KRAS: variants seen among roughly 807,000 people sequenced by gnomAD.
KRAS encodes KRas proto-oncogene, GTPase.
A neutral mutation model predicts 21.0 loss-of-function variants in KRAS; 1 was observed. The ratio of observed to expected loss-of-function variants is 0.05; its 90% CI spans 0.02 to 0.23. The LOEUF (loss-of-function observed/expected upper bound fraction) is 0.23, where lower values mean the gene tolerates loss of function less well. Among genes scored for constraint, KRAS ranks in the 10% least tolerant of loss-of-function variants. KRAS has a pLI of 1.00. For synonymous variants in KRAS, 67 were observed against 72.5 expected (o/e 0.92, Z 0.39); for missense variants, 107 against 221.8 (o/e 0.48, Z 3.29).
intron 2 of KRAS, among the ~76,000 whole-genome samples, chr12:25,241,093 G>A (rs1951604134): frequency 6.6e-6 from 1 of 152,164 alleles, no homozygotes; most frequent in African/African-American, 2.4e-5. Flanking sequence ...AGTAAGCTCA[G>A]TAAGTGTTAA....
At chr12:25,238,644 G>A (rs960547461) in intron 2 of KRAS, among the ~76,000 whole-genome samples, 1 of 152,116 alleles carries the variant, frequency 6.6e-6, no homozygotes, top group Non-Finnish European at 1.5e-5. Flanking sequence ...GAGTAATTTT[G>A]TTTCTAGATG....
At chr12:25,215,536 A>G (rs779859005) in intron 4 of KRAS, 1 of 1,611,866 alleles carries the variant, frequency 6.2e-7, no homozygotes, top group Non-Finnish European at 8.5e-7. Context: ...TCTCTCACCA[A>G]TGTATAAAAA....
chr12:25,225,739 C>T lies in KRAS; in HGVS notation c.325G>A (p.Val109Ile), dbSNP rs2141506370. Residue 109 changes from valine to isoleucine, a missense_variant, in exon 4 of 5, where the codon GTA becomes ATA. Physicochemically the swap from Val to Ile is conservative, Grantham distance 29. This residue lies in a region of KRAS where 42 missense variants were observed against 139.4 expected (regional missense o/e 0.30). Coordinates refer to ENST00000311936, the MANE Select transcript of KRAS (RefSeq NM_004985.5). ...QIKRVKDSED[V>I]PMVLVGNKCD... The stretch of plus-strand genomic sequence containing the variant: ...TTATTTCCTACTAGGACCATAGGTA[C>T]ATCTTCAGAGTCCTTAACTCTTTTA... 1 of 1,612,998 alleles carries T rather than the reference C, an allele frequency of 6.2e-7. No individual in the cohort carries two copies. The highest frequency in any genetic ancestry group is 1.1e-5 in the South Asian group (1 of 91,046).
intron 1 of KRAS, among the ~76,000 whole-genome samples, chr12:25,247,715 C>T (rs189534793): frequency 6.6e-6 from 1 of 152,148 alleles, no homozygotes; most frequent in Non-Finnish European, 1.5e-5. Flanking sequence ...GTCCTTTACC[C>T]TTTTAACTCC....
At position 25,214,425 on chromosome 12, in the gene KRAS, T is replaced by C. The variant is rs536209054; in HGVS notation, c.451-4514A>G. On this transcript the variant is annotated intron_variant, in intron 4 of 4. Transcript: ENST00000311936. ...TTTTTGAGACAGAGTTTCGCTCTTG[T>C]TGCTCAAGCTGGAGTGCAATGGTGC... is the stretch of plus-strand genomic sequence containing the variant. Among the ~76,000 whole-genome samples, 6 of 151,884 alleles carry C rather than the reference T, an allele frequency of 4.0e-5. No individual in the cohort carries two copies. In the East Asian group the frequency reaches 9.7e-4, roughly 25 times the overall value.
At chr12:25,234,807 C>T (rs1592815041) in intron 2 of KRAS, 1 of 205,000 alleles carries the variant, frequency 4.9e-6, no homozygotes, top group Non-Finnish European at 1.0e-5. Context: ...TTAACATACT[C>T]GAGTATGGGT....
At chr12:25,242,337 A>G (rs1360591727) in intron 2 of KRAS, among the ~76,000 whole-genome samples, 1 of 152,166 alleles carries the variant, frequency 6.6e-6, no homozygotes, top group Non-Finnish European at 1.5e-5. Flanking sequence ...TGATCTCTGT[A>G]ACTACCTACA....
chr12:25,242,383 T>C (rs1951622277), intron 2 of KRAS, among the ~76,000 whole-genome samples: 1 of 152,172 alleles, frequency 6.6e-6, no homozygotes, highest in South Asian at 2.1e-4. Flanking sequence ...TTCCACCAAA[T>C]TTTACCTTAG....
At position 25,230,550 on chromosome 12, in the gene KRAS, C is replaced by T. The variant is rs538273315; in HGVS notation, c.112-3138G>A. Among the ~76,000 whole-genome samples, 7 of 152,258 alleles carry T rather than the reference C, an allele frequency of 4.6e-5. No homozygotes were observed. In the East Asian group the frequency reaches 9.7e-4, roughly 21 times the overall value. On this transcript the variant is annotated intron_variant, in intron 2 of 4. Transcript: ENST00000311936. ...GGCTGAGGCAGGAGAATCACTTGAA[C>T]CCGGGAGGTGGAGGTTACGGTGAGC...
intron 2 of KRAS, among the ~76,000 whole-genome samples, chr12:25,227,770 G>A (rs1043073046): frequency 6.6e-6 from 1 of 152,194 alleles, no homozygotes; most frequent in Non-Finnish European, 1.5e-5. Flanking sequence ...AAATGGTGAT[G>A]CCATTGTGGA....
intron 2 of KRAS, among the ~76,000 whole-genome samples, chr12:25,228,819 G>A (rs1251711264): frequency 6.6e-6 from 1 of 152,156 alleles, no homozygotes; most frequent in African/African-American, 2.4e-5. Flanking sequence ...CCAACACTTT[G>A]GGAGGCCGAG....
At chr12:25,234,417 A>G (rs1951518131) in intron 2 of KRAS, 1 of 182,316 alleles carries the variant, frequency 5.5e-6, no homozygotes, top group African/African-American at 2.4e-5. Context: ...CTACTATTCT[A>G]TAAAGCACTA....
chr12:25,209,513 C>T lies in KRAS; in HGVS notation c.*282G>A. ...ATTGGTAAGAAAAATAAGAAGTAAT[C>T]AACTGCATGCACCAAAAGCCCCAAG... On this transcript the variant is annotated 3_prime_UTR_variant, in exon 5 of 5. Coordinates refer to ENST00000311936, the MANE Select transcript of KRAS (RefSeq NM_004985.5). 3 of 1,316,594 alleles carry T rather than the reference C, an allele frequency of 2.3e-6. No homozygotes were observed. Among genetic ancestry groups the T allele is most frequent in the Non-Finnish European group, 2.9e-6 (3 of 1,036,612 alleles). The allele number at this position is 1,316,594 out of a possible 1,614,324, so 81.6% of individuals were successfully genotyped here.
At chr12:25,215,468 C>G (rs1183048817) in intron 4 of KRAS, 1 of 1,612,200 alleles carries the variant, frequency 6.2e-7, no homozygotes, top group Non-Finnish European at 8.5e-7. Flanking sequence ...TTTTAATTTT[C>G]ACACAGCCAG....
intron 1 of KRAS, among the ~76,000 whole-genome samples, chr12:25,249,353 C>T (rs571941991): frequency 6.6e-6 from 1 of 151,956 alleles, no homozygotes; most frequent in African/African-American, 2.4e-5. Context: ...GCCGAGACGG[C>T]GCCACTGCAC....
Position 25,209,583 on chromosome 12 carries a change from G to C in KRAS, c.*212C>G. The C allele has an allele frequency of 7.5e-7, 1 of 1,336,542 alleles. No homozygotes were observed. The highest frequency in any genetic ancestry group is 9.6e-7 in the Non-Finnish European group (1 of 1,046,932). The allele number at this position is 1,336,542 out of a possible 1,614,324, so 82.8% of individuals were successfully genotyped here. On this transcript the variant is annotated 3_prime_UTR_variant, in exon 5 of 5. Coordinates refer to ENST00000311936, the MANE Select transcript of KRAS (RefSeq NM_004985.5). The stretch of plus-strand genomic sequence containing the variant: ...AGTTTCTTTTTCACAGGCATTGCTA[G>C]TTCAAAAACCAAAACTCTGGGAATA...
At chr12:25,213,252 C>T (rs561531633) in intron 4 of KRAS, among the ~76,000 whole-genome samples, 3 of 152,222 alleles carry the variant, frequency 2.0e-5, no homozygotes, top group Admixed American at 6.5e-5. Flanking sequence ...TAGAATAGTA[C>T]GTGCTTAAAC....
Position 25,225,639 on chromosome 12 carries a change from A to G in KRAS, c.425T>C (p.Ile142Thr), listed in dbSNP as rs1344202459. ...DLARSYGIPF[I>T]ETSAKTRQGV... is the part of the protein sequence containing the mutation. ...CTGTCTTGTCTTTGCTGATGTTTCAATAAAAGGAATTCCATAACTTCTTGC... is the reference window on the plus strand; with the variant it reads ...CTGTCTTGTCTTTGCTGATGTTTCAGTAAAAGGAATTCCATAACTTCTTGC... Residue 142 changes from isoleucine (I) to threonine (T), a missense_variant, in exon 4 of 5, where the codon ATT becomes ACT. Coordinates refer to ENST00000311936, the MANE Select transcript of KRAS (RefSeq NM_004985.5). The G allele has an allele frequency of 1.2e-6, 2 of 1,613,102 alleles. No homozygotes were observed.
chr12:25,216,662 G>A (rs528554187), intron 4 of KRAS, among the ~76,000 whole-genome samples: 1 of 152,158 alleles, frequency 6.6e-6, no homozygotes, highest in East Asian at 1.9e-4. Flanking sequence ...CTCTTAATAG[G>A]GTTTTTCTTG....
Sources: gnomAD v4.1 joint callset for allele counts (sites outside exome capture counted in the v4.1 genomes callset) on GRCh38, gnomAD v4.1.1 for gene constraint, gnomAD v4.1.1 regional missense constraint, MANE v1.5 for transcripts, NCBI Gene and HGNC (gene_info 2026-07-23, HGNC 2026-07-21) for gene names.